Variants in CDC14A observed in about 807,000 individuals in gnomAD.
CDC14A encodes the protein cell division cycle 14A.
In CDC14A, 53 loss-of-function variants were observed where a neutral mutation model predicts 74.4. That is an observed-to-expected ratio of 0.71 (90% CI 0.57 to 0.89). The LOEUF is 0.89. Among genes scored for constraint, CDC14A ranks in the 40% least tolerant of loss-of-function variants. The pLI, the probability that CDC14A is intolerant of heterozygous loss-of-function variation, is 0.00. For synonymous variants in CDC14A, 247 were observed against 258.4 expected (o/e 0.96, Z 0.43); for missense variants, 646 against 713.7 (o/e 0.91, Z 1.08).
At chr1:100,351,700 T>A, upstream of CDC14A, 1 of 1,510,404 alleles carries the variant, frequency 6.6e-7, no homozygotes, top group Non-Finnish European at 9.0e-7. Context: ...AGATTAGGCA[T>A]CTGTGATGCT....
At chr1:100,397,126 G>A (rs1571061542) in intron 4 of CDC14A, among the ~76,000 whole-genome samples, 1 of 152,026 alleles carries the variant, frequency 6.6e-6, no homozygotes, top group African/African-American at 2.4e-5. Context: ...GTGGCCCAGG[G>A]AAGCTAAATG....
rs1279411661 is a variant in CDC14A at position 100,484,380 on chromosome 1, C to A, written c.1066C>A (p.Leu356Ile). Residue 356 changes from leucine to isoleucine, a missense_variant, in exon 11 of 16, where the codon CTT becomes ATT. Leu to Ile is a conservative substitution (Grantham distance 5). Transcript: ENST00000336454. Reference protein sequence around the residue: ...PSSEGSINKILSGLDDMSIGG... With the variant: ...PSSEGSINKIISGLDDMSIGG... ...CAGTGAAGGAAGTATTAATAAAATT[C>A]TTTCTGGCCTAGATGATATGTCTAT... is the stretch of plus-strand genomic sequence containing the variant. 6.2e-7 allele frequency: 1 copy of A among 1,607,844 alleles called. No individual in the cohort carries two copies. Among genetic ancestry groups the A allele is most frequent in the Admixed American group, 1.7e-5 (1 of 59,244 alleles).
chr1:100,403,378 T>C (rs1428015182), intron 4 of CDC14A, among the ~76,000 whole-genome samples: 1 of 152,244 alleles, frequency 6.6e-6, no homozygotes. Flanking sequence ...CTGCAAAACA[T>C]AGCCATTGGA....
chr1:100,372,400 A>G (rs1290220150), intron 2 of CDC14A, among the ~76,000 whole-genome samples: 3 of 152,218 alleles, frequency 2.0e-5, no homozygotes, highest in African/African-American at 7.2e-5. Context: ...TCAAAATAGG[A>G]GTTAATCCTC....
chr1:100,416,015 T>C (rs905756587), intron 4 of CDC14A, among the ~76,000 whole-genome samples: 2 of 152,234 alleles, frequency 1.3e-5, no homozygotes, highest in African/African-American at 2.4e-5. Context: ...CAATTAATGC[T>C]GTCTTTAGGA....
At chr1:100,444,341 C>T (rs535820685) in intron 7 of CDC14A, among the ~76,000 whole-genome samples, 1 of 152,172 alleles carries the variant, frequency 6.6e-6, no homozygotes, top group Admixed American at 6.5e-5. Flanking sequence ...CCCTTCTCCT[C>T]CCAGGCTGCC....
At chr1:100,468,849 T>C (rs2101261739) in intron 10 of CDC14A, among the ~76,000 whole-genome samples, 1 of 152,326 alleles carries the variant, frequency 6.6e-6, no homozygotes, top group East Asian at 1.9e-4. Context: ...AAATACTATC[T>C]ATTAGTGATA....
chr1:100,381,126 T>A (rs1656036943), intron 3 of CDC14A, among the ~76,000 whole-genome samples: 1 of 152,230 alleles, frequency 6.6e-6, no homozygotes, highest in Non-Finnish European at 1.5e-5. Context: ...CAGTGCCTAG[T>A]GCAGGGACAA....
chr1:100,491,518 ATCTCTC>A (rs761858427), intron 11 of CDC14A, among the ~76,000 whole-genome samples: 276 of 26,580 alleles, frequency 0.01, 4 homozygotes, highest in African/African-American at 0.026. Context: ...ATATATCTGC[ATCTCTC>A]TCTCTCTCTC....
intron 9 of CDC14A, among the ~76,000 whole-genome samples, chr1:100,463,644 G>T (rs1431964586): frequency 1.3e-5 from 2 of 152,148 alleles, no homozygotes; most frequent in East Asian, 3.8e-4. Flanking sequence ...CCCAAATATT[G>T]CAGGGAACAT....
rs767252557 is a variant in CDC14A, at chr1:100,499,275, A to G, written c.1755+13A>G. 1.9e-6 allele frequency: 3 copies of G among 1,614,164 alleles called. No individual in the cohort carries two copies. Among genetic ancestry groups the G allele is most frequent in the Admixed American group, 3.3e-5 (2 of 60,026 alleles). ...CCGTTCTATCCCTGTAAGTGCGCAG[A>G]CACCACCTCCTGGTCCTCAGAACCC... On this transcript the variant is annotated intron_variant, in intron 15 of 15. Transcript: ENST00000336454.
chr1:100,419,637 A>C (rs1441553362), intron 4 of CDC14A, among the ~76,000 whole-genome samples: 1 of 152,212 alleles, frequency 6.6e-6, no homozygotes, highest in East Asian at 1.9e-4. Context: ...GAAACTTGTA[A>C]ATGGAGTCTC....
At chr1:100,505,043 T>C in intron 15 of CDC14A, 2 of 1,093,306 alleles carry the variant, frequency 1.8e-6, no homozygotes, top group Non-Finnish European at 2.5e-6. Flanking sequence ...GTAAGAATTG[T>C]CTCCAAATTT....
At chr1:100,363,305 CTT>C (rs1653054058) in intron 2 of CDC14A, 1 of 152,208 alleles carries the variant, frequency 6.6e-6, no homozygotes, top group Non-Finnish European at 1.5e-5. Flanking sequence ...GTGCAGCTCT[CTT>C]TTACAGGCTG....
At chr1:100,497,286 G>T (rs1647989106) in intron 13 of CDC14A, among the ~76,000 whole-genome samples, 1 of 152,170 alleles carries the variant, frequency 6.6e-6, no homozygotes, top group African/African-American at 2.4e-5. Flanking sequence ...AAATGCCATG[G>T]CAGGGAAATA....
intron 15 of CDC14A, among the ~76,000 whole-genome samples, chr1:100,507,050 A>G (rs1649294003): frequency 6.6e-6 from 1 of 152,234 alleles, no homozygotes; most frequent in South Asian, 2.1e-4. Context: ...TTATCCAATT[A>G]ATAAAGCTAT....
chr1:100,413,722 T>C (rs1429847416), intron 4 of CDC14A, among the ~76,000 whole-genome samples: 1 of 152,184 alleles, frequency 6.6e-6, no homozygotes, highest in Non-Finnish European at 1.5e-5. Context: ...CTCAATTACT[T>C]TCCTTCCAGT....
intron 4 of CDC14A, among the ~76,000 whole-genome samples, chr1:100,403,190 T>C (rs140543359): frequency 1.6e-4 from 25 of 152,292 alleles, no homozygotes; most frequent in Admixed American, 9.8e-4. Flanking sequence ...CATTGCAGCC[T>C]AGTACACACA....
intron 10 of CDC14A, among the ~76,000 whole-genome samples, chr1:100,470,875 T>C (rs1668326448): frequency 6.6e-6 from 1 of 152,168 alleles, no homozygotes; most frequent in African/African-American, 2.4e-5. Flanking sequence ...TGGCCATTTC[T>C]CATAACGTTA....
Sources: allele counts gnomAD v4.1 joint callset (sites outside exome capture counted in the v4.1 genomes callset), GRCh38; gene constraint gnomAD v4.1.1; transcripts MANE v1.5; gene names NCBI Gene and HGNC (gene_info 2026-07-23, HGNC 2026-07-21).